CCDC178: variants seen among roughly 807,000 people sequenced by gnomAD.
CCDC178 encodes coiled-coil domain-containing protein 178.
Under a neutral mutation model 117.4 loss-of-function variants are expected in CCDC178, and 126 were observed. The ratio of observed to expected loss-of-function variants is 1.07; its 90% confidence interval spans 0.93 to 1.24. CCDC178 has a LOEUF of 1.24. Among genes scored for constraint, CCDC178 ranks in the 50% most tolerant of loss-of-function variants. The probability of loss-of-function intolerance (pLI) is 0.00; values close to 1 mark genes in which losing one functional copy is unlikely to be tolerated. For missense variants in CCDC178, 1,030 were observed against 986.9 expected, an observed-to-expected ratio of 1.04 and a Z score of -0.59; for synonymous variants, 283 against 313.4, an observed-to-expected ratio of 0.90 and a Z score of 1.02.
chr18:33,046,525 C>A (rs1194912854), intron 21 of CCDC178, among the ~76,000 whole-genome samples: 1 of 151,570 alleles, frequency 6.6e-6, no homozygotes, highest in Admixed American at 6.6e-5. Flanking sequence ...TAAGTATAAG[C>A]AAAAAAATAA....
At chr18:33,245,778 G>A (rs2059542711) in intron 14 of CCDC178, among the ~76,000 whole-genome samples, 1 of 151,844 alleles carries the variant, frequency 6.6e-6, no homozygotes, top group Non-Finnish European at 1.5e-5. Context: ...GAGAGAATAT[G>A]TTCAATGGAA....
intron 3 of CCDC178, among the ~76,000 whole-genome samples, chr18:33,397,600 T>TG (rs1237366638): frequency 6.6e-6 from 1 of 152,156 alleles, no homozygotes; most frequent in Non-Finnish European, 1.5e-5. Context: ...ATGGTAAGAT[T>TG]GGCCTTATGA....
At chr18:33,011,733 C>T (rs371856582) in intron 21 of CCDC178, among the ~76,000 whole-genome samples, 1 of 117,400 alleles carries the variant, frequency 8.5e-6, no homozygotes, top group Non-Finnish European at 1.6e-5. Flanking sequence ...GGCAAACAGG[C>T]TTAACTTAAC....
chr18:33,164,125 T>A (rs1487628578), intron 20 of CCDC178, among the ~76,000 whole-genome samples: 5 of 93,090 alleles, frequency 5.4e-5, no homozygotes, highest in South Asian at 3.8e-4. Context: ...TTTTTTTTTT[T>A]AAACAGAGTT....
At chr18:33,105,468 C>A (rs540378101) in intron 20 of CCDC178, among the ~76,000 whole-genome samples, 37 of 151,616 alleles carry the variant, frequency 2.4e-4, no homozygotes, top group African/African-American at 8.7e-4. Flanking sequence ...CACAGAGGTA[C>A]ATTTATGAAG....
At chr18:33,004,742 T>C (rs1042837469) in intron 21 of CCDC178, among the ~76,000 whole-genome samples, 2 of 151,996 alleles carry the variant, frequency 1.3e-5, no homozygotes, top group African/African-American at 4.8e-5. Context: ...AACCAGAATA[T>C]ATAAGGAACT....
chr18:32,985,666 G>A (rs536481164), intron 21 of CCDC178, among the ~76,000 whole-genome samples: 14 of 151,916 alleles, frequency 9.2e-5, no homozygotes, highest in African/African-American at 3.4e-4. Context: ...AAAACATTGT[G>A]AACTAAATTG....
intron 21 of CCDC178, among the ~76,000 whole-genome samples, chr18:33,057,259 T>G (rs2056845783): frequency 6.6e-6 from 1 of 152,148 alleles, no homozygotes; most frequent in Non-Finnish European, 1.5e-5. Flanking sequence ...GTTGTTTCAT[T>G]TATTTGATTT....
intron 21 of CCDC178, among the ~76,000 whole-genome samples, chr18:33,088,696 G>A (rs911920867): frequency 2.0e-5 from 3 of 152,130 alleles, no homozygotes; most frequent in Non-Finnish European, 4.4e-5. Flanking sequence ...ACACACTGCT[G>A]CAGAGTAGTC....
chr18:33,142,641 G>T (rs938144334), intron 20 of CCDC178, among the ~76,000 whole-genome samples: 7 of 152,062 alleles, frequency 4.6e-5, no homozygotes, highest in East Asian at 1.9e-4. Context: ...CAGAAAGAAA[G>T]AAATAAGTAA....
At chr18:32,982,118 A>G (rs1598752460) in intron 21 of CCDC178, among the ~76,000 whole-genome samples, 1 of 152,254 alleles carries the variant, frequency 6.6e-6, no homozygotes, top group South Asian at 2.1e-4. Flanking sequence ...CATAAATACC[A>G]TTGAAAACAC....
chr18:32,940,975 G>C (rs916342166), intron 22 of CCDC178, among the ~76,000 whole-genome samples: 13 of 151,996 alleles, frequency 8.6e-5, no homozygotes, highest in African/African-American at 3.1e-4. Flanking sequence ...TTGAAATACA[G>C]TAGGAACTCA....
At chr18:33,111,926 T>G (rs1304058298) in intron 20 of CCDC178, among the ~76,000 whole-genome samples, 1 of 151,756 alleles carries the variant, frequency 6.6e-6, no homozygotes, top group African/African-American at 2.4e-5. Flanking sequence ...ACTTGAATCT[T>G]CTTTCCTAGT....
chr18:33,241,418 G>T (rs1473640357), intron 15 of CCDC178, among the ~76,000 whole-genome samples: 1 of 124,124 alleles, frequency 8.1e-6, no homozygotes, highest in Non-Finnish European at 1.7e-5. Flanking sequence ...CCTCTTTGCA[G>T]ATTATATGAT....
At chr18:33,264,285 C>G (rs60057329) in intron 14 of CCDC178, among the ~76,000 whole-genome samples, 1 of 151,692 alleles carries the variant, frequency 6.6e-6, no homozygotes, top group African/African-American at 2.4e-5. Flanking sequence ...ATATAGTTAC[C>G]AGTTAGAAAC....
intron 21 of CCDC178, among the ~76,000 whole-genome samples, chr18:33,034,863 C>T (rs1420788388): frequency 6.6e-6 from 1 of 151,802 alleles, no homozygotes; most frequent in African/African-American, 2.4e-5. Flanking sequence ...TATGATATTA[C>T]TATCTGTACA....
At chr18:33,420,157 C>T (rs548350429) in intron 2 of CCDC178, among the ~76,000 whole-genome samples, 3 of 152,140 alleles carry the variant, frequency 2.0e-5, no homozygotes, top group Admixed American at 2.0e-4. Flanking sequence ...ATGGATGGAG[C>T]TGGAGACTGT....
At chr18:33,087,706 T>G (rs557989694) in intron 21 of CCDC178, among the ~76,000 whole-genome samples, 2 of 152,188 alleles carry the variant, frequency 1.3e-5, no homozygotes, top group East Asian at 3.9e-4. Context: ...GGTTTTGCTA[T>G]GAAAGAAGTG....
intron 21 of CCDC178, among the ~76,000 whole-genome samples, chr18:33,074,746 C>T (rs1488600162): frequency 6.6e-6 from 1 of 152,098 alleles, no homozygotes; most frequent in Non-Finnish European, 1.5e-5. Context: ...ACCAGATACA[C>T]CCTATGGGGT....
Sources: gnomAD v4.1 joint callset for allele counts (sites outside exome capture counted in the v4.1 genomes callset) on GRCh38, gnomAD v4.1.1 for gene constraint, MANE v1.5 for transcripts, NCBI Gene and HGNC (gene_info 2026-07-23, HGNC 2026-07-21) for gene names.